The following SLC9A9 variants were observed in gnomAD, a reference collection of about 807,000 sequenced individuals.
SLC9A9 encodes the protein solute carrier family 9 member A9.
A neutral mutation model predicts 77.8 loss-of-function variants in SLC9A9; 62 were observed. That is an observed-to-expected ratio of 0.80 (90% CI 0.65 to 0.98). The LOEUF is 0.98. SLC9A9 is among the 50% of genes least tolerant of loss of function. The pLI is 0.00. For synonymous variants in SLC9A9, 320 were observed against 283.5 expected, an observed-to-expected ratio of 1.13 and a Z score of -1.29; for missense variants, 775 against 774.9, an observed-to-expected ratio of 1.00 and a Z score of 0.00.
chr3:143,713,291 C>G (rs1403612826), intron 4 of SLC9A9, among the ~76,000 whole-genome samples: 3 of 152,166 alleles, frequency 2.0e-5, no homozygotes, highest in Admixed American at 2.0e-4. Flanking sequence ...TCAGCTAACA[C>G]AGTTTCTTGT....
chr3:143,498,240 T>A (rs554327238), intron 9 of SLC9A9, among the ~76,000 whole-genome samples: 24 of 152,342 alleles, frequency 1.6e-4, no homozygotes, highest in African/African-American at 5.5e-4. Context: ...AATACTACAC[T>A]CTTTTAAATT....
chr3:143,435,577 A>G (rs1414799648), intron 12 of SLC9A9, among the ~76,000 whole-genome samples: 2 of 152,222 alleles, frequency 1.3e-5, no homozygotes, highest in African/African-American at 4.8e-5. Flanking sequence ...GAGCAAGGAA[A>G]AATGTCTTCA....
chr3:143,843,605 C>A (rs2009760902), intron 1 of SLC9A9, among the ~76,000 whole-genome samples: 1 of 152,140 alleles, frequency 6.6e-6, no homozygotes, highest in Non-Finnish European at 1.5e-5. Flanking sequence ...ATGGGAAGGC[C>A]AGGAAGTCAA....
chr3:143,782,172 G>A (rs2007902167), intron 4 of SLC9A9, among the ~76,000 whole-genome samples: 1 of 152,102 alleles, frequency 6.6e-6, no homozygotes, highest in African/African-American at 2.4e-5. Flanking sequence ...TAATTCATTT[G>A]GTTTAGTTTC....
chr3:143,285,158 C>T (rs575284005), intron 14 of SLC9A9, among the ~76,000 whole-genome samples: 1 of 152,074 alleles, frequency 6.6e-6, no homozygotes, highest in Non-Finnish European at 1.5e-5. Context: ...TAGGTACACA[C>T]GTGCCATGGT....
At position 143,776,312 on chromosome 3, in the gene SLC9A9, C is replaced by T. The variant is rs75186476; in HGVS notation, c.533+18689G>A. On this transcript the variant is annotated intron_variant, in intron 4 of 15. Coordinates refer to ENST00000316549, the MANE Select transcript of SLC9A9 (RefSeq NM_173653.4). ...ACAGTACTCTTAAACTTTGGGCCAACGATAGAATTTTTCCTTCATCTATTC... is the reference window on the plus strand; with the variant it reads ...ACAGTACTCTTAAACTTTGGGCCAATGATAGAATTTTTCCTTCATCTATTC... Among the ~76,000 whole-genome samples the T allele has an allele frequency of 9.5e-3, 1,446 of 152,158 alleles. 28 individuals carry two copies. Among genetic ancestry groups the T allele is most frequent in the African/African-American group, 0.033 (1,388 of 41,530 alleles).
chr3:143,635,698 C>A (rs1017036782), intron 6 of SLC9A9, among the ~76,000 whole-genome samples: 1 of 152,190 alleles, frequency 6.6e-6, no homozygotes, highest in Non-Finnish European at 1.5e-5. Context: ...TCCCCATTTT[C>A]CCCTGACCCA....
intron 11 of SLC9A9, among the ~76,000 whole-genome samples, chr3:143,489,429 C>T (rs1444697767): frequency 2.0e-5 from 3 of 151,818 alleles, no homozygotes; most frequent in Non-Finnish European, 4.4e-5. Flanking sequence ...ATAACCAAAA[C>T]AATCTTGAAA....
chr3:143,760,507 C>G (rs1163541666), intron 4 of SLC9A9, among the ~76,000 whole-genome samples: 1 of 152,118 alleles, frequency 6.6e-6, no homozygotes, highest in Admixed American at 6.5e-5. Context: ...GTCTCAGGTA[C>G]AAAATCAATG....
At chr3:143,483,600 A>T (rs1285626021) in intron 11 of SLC9A9, among the ~76,000 whole-genome samples, 2 of 152,168 alleles carry the variant, frequency 1.3e-5, no homozygotes, top group African/African-American at 4.8e-5. Context: ...TGCAAACTTT[A>T]TATGCTCATC....
At chr3:143,719,182 T>C (rs952800604) in intron 4 of SLC9A9, among the ~76,000 whole-genome samples, 2 of 152,218 alleles carry the variant, frequency 1.3e-5, no homozygotes, top group African/African-American at 4.8e-5. Context: ...GTTTTCCTTG[T>C]GCGGACAGAT....
intron 2 of SLC9A9, among the ~76,000 whole-genome samples, chr3:143,819,675 G>A (rs1010114366): frequency 6.6e-6 from 1 of 152,164 alleles, no homozygotes; most frequent in African/African-American, 2.4e-5. Flanking sequence ...TATAATTTGG[G>A]TGGGGCTGAA....
chr3:143,638,322 A>G (rs901337085), intron 6 of SLC9A9, among the ~76,000 whole-genome samples: 1 of 152,260 alleles, frequency 6.6e-6, no homozygotes, highest in Non-Finnish European at 1.5e-5. Context: ...TGACTTTCAT[A>G]TATCCAATTT....
rs77881964 is a variant in SLC9A9, at chr3:143,672,207, T to C, written c.650-19847A>G. Among the ~76,000 whole-genome samples, 166 of 152,066 alleles carry C rather than the reference T, an allele frequency of 1.1e-3. 2 individuals are homozygous for C. The highest frequency in any genetic ancestry group is 3.8e-3 in the African/African-American group (158 of 41,502). ...CTTAAATTTTTTTTTTGTCTGTGAA[T>C]AGAAAATTATTCCGTTTTCTCTTGA... On this transcript the variant is annotated intron_variant, in intron 5 of 15. Coordinates refer to ENST00000316549, the MANE Select transcript of SLC9A9 (RefSeq NM_173653.4).
chr3:143,584,208 A>G (rs768666730), intron 6 of SLC9A9, among the ~76,000 whole-genome samples: 5 of 152,084 alleles, frequency 3.3e-5, no homozygotes, highest in Non-Finnish European at 5.9e-5. Context: ...CCTAGTTTCC[A>G]ACACCACCTT....
intron 4 of SLC9A9, among the ~76,000 whole-genome samples, chr3:143,752,084 T>C (rs1348078968): frequency 1.3e-5 from 2 of 152,204 alleles, no homozygotes; most frequent in Admixed American, 1.3e-4. Flanking sequence ...CAAAGTAGAC[T>C]TACTTCAAAG....
chr3:143,810,804 C>T (rs1235849156), intron 2 of SLC9A9, among the ~76,000 whole-genome samples: 1 of 151,850 alleles, frequency 6.6e-6, no homozygotes, highest in Non-Finnish European at 1.5e-5. Context: ...CTTTTTGCTG[C>T]GAAGCACTTG....
At chr3:143,330,934 T>C (rs1377285607) in intron 14 of SLC9A9, among the ~76,000 whole-genome samples, 1 of 152,242 alleles carries the variant, frequency 6.6e-6, no homozygotes, top group African/African-American at 2.4e-5. Context: ...TTCTGCTCTG[T>C]AGTGACGCTG....
chr3:143,351,694 AAT>A (rs2032460141), intron 14 of SLC9A9, among the ~76,000 whole-genome samples: 1 of 152,234 alleles, frequency 6.6e-6, no homozygotes, highest in Non-Finnish European at 1.5e-5. Context: ...CATAAACTTG[AAT>A]ATAGCAGGAA....
Sources: gnomAD v4.1 joint callset for allele counts (sites outside exome capture counted in the v4.1 genomes callset) on GRCh38, gnomAD v4.1.1 for gene constraint, MANE v1.5 for transcripts, NCBI Gene and HGNC (gene_info 2026-07-23, HGNC 2026-07-21) for gene names.